The following ARID1A variants were observed in gnomAD, a reference collection of about 807,000 sequenced individuals.
ARID1A encodes the protein AT-rich interaction domain 1A, also known as AT-rich interactive domain-containing protein 1A.
ARID1A carries 20 observed loss-of-function variants against 212.6 expected under a neutral mutation model. The observed-to-expected ratio is 0.09, with a 90% CI of 0.07 to 0.14. The LOEUF (loss-of-function observed/expected upper bound fraction) is 0.14. ARID1A is among the 10% of genes least tolerant of loss of function. The probability of loss-of-function intolerance (pLI) is 1.00; values close to 1 mark genes in which losing one functional copy is unlikely to be tolerated. For synonymous variants in ARID1A, 1,376 were observed against 1,222.1 expected (o/e 1.13, Z -2.63); for missense variants, 2,587 against 3,059.0 (o/e 0.85, Z 3.64).
At chr1:26,718,971 T>C (rs996555274) in intron 1 of ARID1A, among the ~76,000 whole-genome samples, 17 of 152,350 alleles carry the variant, frequency 1.1e-4, no homozygotes, top group African/African-American at 3.1e-4. Flanking sequence ...TTGTATGTAA[T>C]GTTTTCAGAT....
chr1:26,741,267 G>A (rs1452983014), intron 4 of ARID1A, among the ~76,000 whole-genome samples: 1 of 152,162 alleles, frequency 6.6e-6, no homozygotes, highest in African/African-American at 2.4e-5. Context: ...GAGGAGGGAC[G>A]AAGTCAAATT....
At chr1:26,710,527 A>ACACACACACACACACACC (rs915474721) in intron 1 of ARID1A, among the ~76,000 whole-genome samples, 3 of 150,380 alleles carry the variant, frequency 2.0e-5, no homozygotes, top group African/African-American at 4.9e-5. Context: ...ACACACACAC[A>ACACACACACACACACACC]CCACTTGTTG....
intron 1 of ARID1A, among the ~76,000 whole-genome samples, chr1:26,717,837 A>G (rs2080517897): frequency 6.6e-6 from 1 of 152,206 alleles, no homozygotes; most frequent in Non-Finnish European, 1.5e-5. Flanking sequence ...GATATTTGAC[A>G]TGAAAGTGAG....
chr1:26,744,123 C>G (rs1004752340), intron 4 of ARID1A, among the ~76,000 whole-genome samples: 1 of 152,154 alleles, frequency 6.6e-6, no homozygotes, highest in African/African-American at 2.4e-5. Flanking sequence ...GCAGCATGTA[C>G]CCTGTGCATG....
At chr1:26,748,232 C>G (rs571767203) in intron 4 of ARID1A, among the ~76,000 whole-genome samples, 2 of 152,318 alleles carry the variant, frequency 1.3e-5, no homozygotes, top group African/African-American at 4.8e-5. Context: ...TGCTGTAATT[C>G]TGAGGGGCAA....
intron 1 of ARID1A, among the ~76,000 whole-genome samples, chr1:26,704,509 G>A (rs2080368604): frequency 1.3e-5 from 2 of 152,140 alleles, no homozygotes; most frequent in Non-Finnish European, 2.9e-5. Flanking sequence ...AGGTTGATGG[G>A]TTAGGTAAGC....
At chr1:26,758,619 CAAAAA>C (rs113900947) in intron 4 of ARID1A, among the ~76,000 whole-genome samples, 2 of 93,668 alleles carry the variant, frequency 2.1e-5, no homozygotes, top group Admixed American at 1.1e-4. Flanking sequence ...GACCCTGTCT[CAAAAA>C]AAAAAAAAAA....
intron 4 of ARID1A, among the ~76,000 whole-genome samples, chr1:26,751,254 A>G (rs1322124468): frequency 6.8e-6 from 1 of 147,216 alleles, no homozygotes; most frequent in Non-Finnish European, 1.5e-5. Flanking sequence ...AACTCCGTCT[A>G]AAAAAAAAAG....
At chr1:26,718,829 G>A (rs1157323258) in intron 1 of ARID1A, among the ~76,000 whole-genome samples, 1 of 152,162 alleles carries the variant, frequency 6.6e-6, no homozygotes, top group Non-Finnish European at 1.5e-5. Flanking sequence ...AGGTTTGACT[G>A]TACTTTGTTT....
At chr1:26,746,454 G>C (rs187915700) in intron 4 of ARID1A, among the ~76,000 whole-genome samples, 2 of 152,276 alleles carry the variant, frequency 1.3e-5, no homozygotes, top group East Asian at 3.9e-4. Context: ...TGCCCTTGGG[G>C]AGACTTGGGT....
rs750699988 is a variant in ARID1A, at chr1:26,731,458, C to A, written c.1657C>A (p.Gln553Lys). The A allele has an allele frequency of 6.2e-6, 10 of 1,613,830 alleles. No individual in the cohort carries two copies. The East Asian group carries it at 2.0e-4, about 32-fold the overall frequency. The change falls in exon 3 of 20, where the codon CAG (glutamine) becomes AAG (lysine). Residue 553 changes from glutamine (Q) to lysine (K), a missense_variant. This residue lies in a region of ARID1A where 674 missense variants were observed against 813.4 expected (regional missense o/e 0.83). Coordinates refer to ENST00000324856, the MANE Select transcript of ARID1A (RefSeq NM_006015.6). Reference protein sequence around the residue: ...QHPQSQPPYSQPQAQSPYQQQ... With the variant: ...QHPQSQPPYSKPQAQSPYQQQ... ...CCCCCAGAGCCAGCCCCCCTACTCA[C>A]AGCCACAGGCTCAGTCTCCTTACCA...
rs369923774 is a variant in ARID1A at position 26,729,842 on chromosome 1, C to A, written c.1329C>A (p.Gly443=). 13 of 1,614,124 alleles carry A rather than the reference C, an allele frequency of 8.1e-6. No individual in the cohort carries two copies. Among genetic ancestry groups the A allele is most frequent in the Non-Finnish European group, 1.1e-5 (13 of 1,180,030 alleles). Residue 443 remains glycine (G), a synonymous_variant, in exon 2 of 20, where the codon GGC becomes GGA. Coordinates refer to ENST00000324856, the MANE Select transcript of ARID1A (RefSeq NM_006015.6). The part of the protein sequence containing the change: ...TMQGRAQSAM[G]GLSYTQQIPP... ...AGGGCCGGGCGCAGAGTGCCATGGG[C>A]GGCCTCTCTTATACACAGCAGGTAG...
At chr1:26,759,638 T>G (rs1333849015) in intron 4 of ARID1A, among the ~76,000 whole-genome samples, 4 of 151,938 alleles carry the variant, frequency 2.6e-5, no homozygotes, top group African/African-American at 9.7e-5. Context: ...GGGGATGGAG[T>G]TAGGGTACAT....
chr1:26,772,427 C>T (rs1023715130), intron 12 of ARID1A, 73 bp from the exon 13 acceptor site: 3 of 1,598,744 alleles, frequency 1.9e-6, no homozygotes, highest in Non-Finnish European at 2.6e-6. Flanking sequence ...GATTCTGGGT[C>T]GTTCGTGTGT....
intron 4 of ARID1A, among the ~76,000 whole-genome samples, chr1:26,734,285 C>G (rs931203333): frequency 1.1e-4 from 16 of 150,788 alleles, no homozygotes; most frequent in African/African-American, 3.2e-4. Context: ...TAAGTTGCTT[C>G]ATTCCAAAAA....
chr1:26,772,267 A>T, intron 12 of ARID1A: 1 of 572,372 alleles, frequency 1.7e-6, no homozygotes. Context: ...TGGTGATGTC[A>T]TGGCCACATC....
At position 26,774,136 on chromosome 1, in the gene ARID1A, TAAGC is replaced by T. The variant is rs1483747132; in HGVS notation, c.4102-189_4102-186del. On this transcript the variant is annotated intron_variant, in intron 17 of 19. Coordinates refer to ENST00000324856, the MANE Select transcript of ARID1A (RefSeq NM_006015.6). The surrounding 1 kb of genome is among the most constrained non-coding windows in gnomAD (Gnocchi z 5.6). ...TTTAGGTTTTGTATATTTTTCTACT[TAAGC>T]AAGGGAAGGGAAGAAAGAGTGGTGG... 9.9e-6 allele frequency: 12 copies of T among 1,214,964 alleles called. No homozygotes were observed. In the East Asian group the frequency reaches 1.3e-4, roughly 13 times the overall value. 75.3% of individuals were successfully genotyped at this position (1,214,964 alleles called of 1,614,324 possible). A position where few individuals can be genotyped will look rare whatever the true frequency, so the allele number is the denominator to read the frequency against.
chr1:26,757,483 A>G (rs1450599802), intron 4 of ARID1A, among the ~76,000 whole-genome samples: 2 of 151,842 alleles, frequency 1.3e-5, no homozygotes, highest in Non-Finnish European at 2.9e-5. Flanking sequence ...AAAAAAAAAA[A>G]AAGGAAATAA....
chr1:26,726,462 A>G (rs1424918404), intron 1 of ARID1A, among the ~76,000 whole-genome samples: 1 of 152,190 alleles, frequency 6.6e-6, no homozygotes, highest in South Asian at 2.1e-4. Context: ...GGCGTGAGAC[A>G]CTGCGCCCAG....
Sources: allele counts gnomAD v4.1 joint callset (sites outside exome capture counted in the v4.1 genomes callset), GRCh38; gene constraint gnomAD v4.1.1; regional missense constraint gnomAD v4.1.1; non-coding constraint Gnocchi (gnomAD v3.1); transcripts MANE v1.5; gene names NCBI Gene and HGNC (gene_info 2026-07-23, HGNC 2026-07-21).